BDKRB2: variants seen among roughly 807,000 people sequenced by gnomAD.
BDKRB2 encodes B2 bradykinin receptor.
In BDKRB2, 6 loss-of-function variants were observed where a neutral mutation model predicts 4.0. The ratio of observed to expected loss-of-function variants is 1.49; its 90% CI spans 0.81 to 2.93. BDKRB2 has a LOEUF of 2.93. Among genes scored for constraint, BDKRB2 ranks in the 30% most tolerant of loss-of-function variants. The pLI is 0.00. For missense variants in BDKRB2, 478 were observed against 520.1 expected, an observed-to-expected ratio of 0.92 and a Z score of 0.79; for synonymous variants, 225 against 215.3, an observed-to-expected ratio of 1.05 and a Z score of -0.40.
At chr14:96,235,770 C>T (rs1890917317) in intron 1 of BDKRB2, among the ~76,000 whole-genome samples, 1 of 151,962 alleles carries the variant, frequency 6.6e-6, no homozygotes, top group South Asian at 2.1e-4. Context: ...GTGGCAGATC[C>T]GTGGCTACAT....
At chr14:96,229,035 C>T (rs1638682438) in intron 1 of BDKRB2, among the ~76,000 whole-genome samples, 1 of 152,320 alleles carries the variant, frequency 6.6e-6, no homozygotes, top group Admixed American at 6.5e-5. Context: ...ACACTGTGAG[C>T]TCCATTTCCT....
intron 1 of BDKRB2, among the ~76,000 whole-genome samples, chr14:96,228,026 A>G (rs949432827): frequency 1.3e-5 from 2 of 152,200 alleles, no homozygotes; most frequent in Admixed American, 1.3e-4. Context: ...AAGCCACAGC[A>G]TCCCCTCCAA....
At chr14:96,219,417 G>T (rs951138050) in intron 1 of BDKRB2, among the ~76,000 whole-genome samples, 37 of 151,964 alleles carry the variant, frequency 2.4e-4, no homozygotes, top group Admixed American at 6.5e-5. Context: ...CAGGGGAGGG[G>T]TGGGGACCGG....
intron 1 of BDKRB2, among the ~76,000 whole-genome samples, chr14:96,205,400 A>C (rs114830051): frequency 0.028 from 4,178 of 150,808 alleles, 196 homozygotes; most frequent in African/African-American, 0.096. Context: ...CAAGCTATTC[A>C]ACCTCTCTGA....
chr14:96,235,831 A>C (rs1014465754), intron 1 of BDKRB2, among the ~76,000 whole-genome samples: 10 of 151,654 alleles, frequency 6.6e-5, no homozygotes, highest in Admixed American at 5.9e-4. Context: ...ACACACACAC[A>C]CCTGCACTCA....
At chr14:96,222,795 CT>C (rs979597254) in intron 1 of BDKRB2, among the ~76,000 whole-genome samples, 11 of 151,824 alleles carry the variant, frequency 7.2e-5, no homozygotes, top group Non-Finnish European at 1.5e-5. Flanking sequence ...AACTCAATGA[CT>C]TTTTGTATTG....
chr14:96,230,917 A>G (rs1008841587), intron 1 of BDKRB2, among the ~76,000 whole-genome samples: 3 of 151,798 alleles, frequency 2.0e-5, no homozygotes, highest in African/African-American at 7.3e-5. Context: ...CACCCAGCCT[A>G]GTTATTTATT....
chr14:96,212,758 G>T (rs1311932868), intron 1 of BDKRB2, among the ~76,000 whole-genome samples: 1 of 152,118 alleles, frequency 6.6e-6, no homozygotes, highest in Admixed American at 6.5e-5. Context: ...CCCCAGAAAG[G>T]TCTCCTTTCT....
intron 1 of BDKRB2, among the ~76,000 whole-genome samples, chr14:96,216,189 C>T (rs577134991): frequency 6.6e-6 from 1 of 152,228 alleles, no homozygotes; most frequent in Non-Finnish European, 1.5e-5. Context: ...GATGACAAAC[C>T]CCAGGGCCCC....
At chr14:96,237,968 A>T (rs1334268245) in intron 2 of BDKRB2, 2 of 1,190,402 alleles carry the variant, frequency 1.7e-6, no homozygotes, top group East Asian at 1.2e-4. Context: ...AGCCAGGGGT[A>T]TGCAGGAAAT....
chr14:96,225,041 G>A (rs1890662228), intron 1 of BDKRB2, among the ~76,000 whole-genome samples: 1 of 152,194 alleles, frequency 6.6e-6, no homozygotes. Flanking sequence ...TGCTAAGACA[G>A]ATTTGTTCCT....
intron 1 of BDKRB2, among the ~76,000 whole-genome samples, chr14:96,206,983 T>A (rs997064216): frequency 2.6e-5 from 4 of 152,084 alleles, no homozygotes; most frequent in African/African-American, 9.7e-5. Flanking sequence ...GAACACGCTC[T>A]CCCAGGCCTC....
At chr14:96,238,907 T>TC (rs1398269576) in intron 2 of BDKRB2, 12 of 986,138 alleles carry the variant, frequency 1.2e-5, no homozygotes, top group Non-Finnish European at 1.4e-5. Flanking sequence ...TTCTTTGTGT[T>TC]CTTGCACTCA....
chr14:96,210,836 A>C (rs1476975070), intron 1 of BDKRB2: 2 of 152,246 alleles, frequency 1.3e-5, no homozygotes, highest in African/African-American at 2.4e-5. Context: ...GATTTCAGCC[A>C]CACTTTGAAA....
intron 2 of BDKRB2, chr14:96,239,987 T>C (rs1484449945): frequency 1.0e-6 from 1 of 993,922 alleles, no homozygotes; most frequent in Admixed American, 6.1e-5. Flanking sequence ...TTTTAATAAA[T>C]TAACTCACCC....
At chr14:96,209,862 G>A (rs1196962247) in intron 1 of BDKRB2, among the ~76,000 whole-genome samples, 1 of 152,106 alleles carries the variant, frequency 6.6e-6, no homozygotes, top group South Asian at 2.1e-4. Context: ...CAGGCACGGT[G>A]GTGCATGCCT....
rs576258655 is a variant in BDKRB2 at position 96,228,262 on chromosome 14, A to G, written c.-39-8807A>G. Among the ~76,000 whole-genome samples, 8 of 152,344 alleles carry G rather than the reference A, an allele frequency of 5.3e-5. No individual in the cohort carries two copies. The South Asian group carries it at 8.3e-4, about 16-fold the overall frequency. On this transcript the variant is annotated intron_variant, in intron 1 of 2. Coordinates refer to ENST00000554311, the MANE Select transcript of BDKRB2 (RefSeq NM_001379692.1). ...CAGTACCGTCTAGGGTTGTGTTACA[A>G]TTAATGCTCTTTTAGAAGTTGCCAT...
intron 1 of BDKRB2, among the ~76,000 whole-genome samples, chr14:96,227,909 T>C (rs1395309100): frequency 6.6e-6 from 1 of 152,160 alleles, no homozygotes; most frequent in African/African-American, 2.4e-5. Flanking sequence ...TGGCTGCCAA[T>C]TTTGCTGACC....
intron 1 of BDKRB2, among the ~76,000 whole-genome samples, chr14:96,228,347 C>T (rs1890745668): frequency 6.6e-6 from 1 of 152,162 alleles, no homozygotes; most frequent in South Asian, 2.1e-4. Flanking sequence ...CCTTTTACAC[C>T]CTGCCCTCTT....
Sources: gnomAD v4.1 joint callset for allele counts (sites outside exome capture counted in the v4.1 genomes callset) on GRCh38, gnomAD v4.1.1 for gene constraint, MANE v1.5 for transcripts, NCBI Gene and HGNC (gene_info 2026-07-23, HGNC 2026-07-21) for gene names.